The following COL18A1 variants were observed in gnomAD, a reference collection of about 807,000 sequenced individuals.
COL18A1 encodes the protein collagen type XVIII alpha 1 chain, also known as collagen alpha-1(XVIII) chain.
COL18A1 carries 133 observed loss-of-function variants against 168.0 expected under a neutral mutation model. The observed-to-expected ratio is 0.79, with a 90% confidence interval of 0.69 to 0.91. The LOEUF (loss-of-function observed/expected upper bound fraction) is 0.91. Ranked by LOEUF, COL18A1 falls within the 40% of genes least tolerant of loss-of-function variation. COL18A1 has a pLI of 0.00. For missense variants in COL18A1, 2,126 were observed against 1,925.4 expected, an observed-to-expected ratio of 1.10 and a Z score of -1.95; for synonymous variants, 949 against 809.0, an observed-to-expected ratio of 1.17 and a Z score of -2.94.
At chr21:45,493,765 C>T (rs1369223929) in intron 26 of COL18A1, 190 bp downstream of exon 26, 5 of 598,488 alleles carry the variant, frequency 8.4e-6, no homozygotes, top group Admixed American at 2.9e-5. Flanking sequence ...GCCGGCCCCT[C>T]GTCCTCTCCC....
At chr21:45,495,741 C>T (rs2036515798) in intron 29 of COL18A1, 2 of 399,606 alleles carry the variant, frequency 5.0e-6, no homozygotes, top group South Asian at 4.2e-5. Flanking sequence ...TCCACACGTG[C>T]TCATGTGTGT....
Position 45,495,583 on chromosome 21 carries a change from T to G in COL18A1, c.2508+151T>G, listed in dbSNP as rs910767834. 5 of 664,216 alleles carry G rather than the reference T, an allele frequency of 7.5e-6. No homozygotes were observed. The East Asian group carries it at 8.4e-5, about 11-fold the overall frequency. The allele number at this position is 664,216 out of a possible 1,614,324, so 41.1% of individuals were successfully genotyped here. ...CACAGCACTGGTCATGCCATACCCA[T>G]GCACAGTCATACATGTCCACACACG... On this transcript the variant is annotated intron_variant, in intron 29 of 41. Coordinates refer to ENST00000651438, the MANE Select transcript of COL18A1 (RefSeq NM_001379500.1).
chr21:45,467,137 G>A (rs1345959537), intron 2 of COL18A1: 3 of 716,152 alleles, frequency 4.2e-6, no homozygotes, highest in South Asian at 6.2e-5. Context: ...TGCCTGGCAC[G>A]GCAGGTGTGC....
chr21:45,477,572 A>T, intron 7 of COL18A1, 85 bp downstream of exon 7: 1 of 1,388,620 alleles, frequency 7.2e-7, no homozygotes, highest in Non-Finnish European at 1.0e-6. Flanking sequence ...AGCCCTGATG[A>T]AGCCCCTCTG....
intron 2 of COL18A1, chr21:45,421,496 T>C (rs1395512189): frequency 1.9e-6 from 1 of 534,592 alleles, no homozygotes; most frequent in African/African-American, 1.9e-5. Flanking sequence ...TTTCTGGCTG[T>C]GCAAGGCTCC....
At chr21:45,452,751 A>T (rs573265739) in intron 2 of COL18A1, among the ~76,000 whole-genome samples, 1 of 142,640 alleles carries the variant, frequency 7.0e-6, no homozygotes, top group Admixed American at 7.0e-5. Flanking sequence ...TGTACGTGTG[A>T]TTGTGTATGC....
chr21:45,460,760 C>T (rs1167363717), intron 2 of COL18A1, among the ~76,000 whole-genome samples: 1 of 151,742 alleles, frequency 6.6e-6, no homozygotes, highest in Non-Finnish European at 1.5e-5. Context: ...CGCTTGGCAA[C>T]CTACAAATAT....
Position 45,478,329 on chromosome 21 carries a change from C to T in COL18A1, c.1224C>T (p.Gly408=), listed in dbSNP as rs13046486. The stretch of plus-strand genomic sequence containing the variant: ...AATGGCTTCTCTTGCACACCCAGGG[C>T]GACCCCGGTGAAGACGGAAAGCCGG... ...DGTPGRDGEP[G]DPGEDGKPGD... is the part of the protein sequence containing the mutation. The change falls in exon 9 of 42, where the codon GGC becomes GGT. Residue 408 remains glycine, a splice_region_variant and synonymous_variant. Transcript: ENST00000651438. 1.5e-5 allele frequency: 25 copies of T among 1,613,842 alleles called. No individual in the cohort carries two copies. The South Asian group carries it at 1.6e-4, about 11-fold the overall frequency.
chr21:45,436,780 C>T (rs1196635675), intron 2 of COL18A1, among the ~76,000 whole-genome samples: 3 of 132,492 alleles, frequency 2.3e-5, no homozygotes, highest in East Asian at 4.4e-4. Context: ...TGTGGCTTGG[C>T]GGGGAAGCTG....
chr21:45,500,241 GGT>G (rs1187874110), intron 32 of COL18A1, among the ~76,000 whole-genome samples: 2 of 146,028 alleles, frequency 1.4e-5, no homozygotes, highest in African/African-American at 5.1e-5. Context: ...GGTGTGAGGG[GGT>G]GTGTGGAGTG....
chr21:45,464,637 G>C (rs2035142976), intron 2 of COL18A1, among the ~76,000 whole-genome samples: 1 of 152,162 alleles, frequency 6.6e-6, no homozygotes, highest in African/African-American at 2.4e-5. Context: ...GTCAGGGCTG[G>C]GTCCCTCTGG....
At chr21:45,415,133 G>A (rs976766801) in intron 2 of COL18A1, among the ~76,000 whole-genome samples, 2 of 152,156 alleles carry the variant, frequency 1.3e-5, no homozygotes, top group Admixed American at 6.5e-5. Context: ...GTGACAGTGC[G>A]GCGTGGTGTT....
At chr21:45,412,087 G>A (rs1488270193) in intron 2 of COL18A1, among the ~76,000 whole-genome samples, 2 of 151,088 alleles carry the variant, frequency 1.3e-5, no homozygotes, top group African/African-American at 2.4e-5. Context: ...TTTGTGGCTC[G>A]TGCCCACTGC....
intron 37 of COL18A1, 70 bp downstream of exon 37, chr21:45,506,036 G>T (rs2037184381): frequency 6.2e-6 from 10 of 1,609,416 alleles, no homozygotes; most frequent in Middle Eastern, 1.8e-4. Flanking sequence ...CTTAAGGAAG[G>T]CGAGAGGCTC....
In COL18A1 at chr21:45,504,547, T is replaced by C. The variant is rs756656210; in HGVS notation, c.2859T>C (p.Pro953=). The part of the protein sequence containing the change: ...PPGPPGPRGY[P]GIPGPKGESI... ...GCCCCCCAGGCCCACGTGGCTACCC[T>C]GGGATTCCAGTAAGTCCCAGCCTGT... Residue 953 remains proline (P), a synonymous_variant, in exon 34 of 42, where the codon CCT becomes CCC. Coordinates refer to ENST00000651438, the MANE Select transcript of COL18A1 (RefSeq NM_001379500.1). 5 of 1,574,896 alleles carry C rather than the reference T, an allele frequency of 3.2e-6. No homozygotes were observed. Among genetic ancestry groups the C allele is most frequent in the Non-Finnish European group, 2.6e-6 (3 of 1,161,718 alleles).
At position 45,504,409 on chromosome 21, in the gene COL18A1, T is replaced by C. The variant is rs765579947; in HGVS notation, c.2728-7T>C. On this transcript the variant is annotated splice_region_variant and splice_polypyrimidine_tract_variant and intron_variant, in intron 33 of 41. Transcript: ENST00000651438. ...GGCTCCCGTGTAACAAGTGTTTCCG[T>C]CCACAGGGGGAGAAGGGAGACCGAG... The C allele has an allele frequency of 5.0e-6, 8 of 1,610,662 alleles. No individual in the cohort carries two copies. Among genetic ancestry groups the C allele is most frequent in the East Asian group, 2.2e-5 (1 of 44,818 alleles).
chr21:45,508,729 T>A (rs116584917), intron 38 of COL18A1, among the ~76,000 whole-genome samples: 238 of 152,234 alleles, frequency 1.6e-3, no homozygotes, highest in African/African-American at 5.3e-3. Flanking sequence ...TGATTCATTC[T>A]TTCATTCAGC....
At chr21:45,478,950 CCGAA>C (rs2035780235) in intron 9 of COL18A1, among the ~76,000 whole-genome samples, 3 of 152,192 alleles carry the variant, frequency 2.0e-5, no homozygotes, top group African/African-American at 4.8e-5. Context: ...ATGGTGCCCA[CCGAA>C]CGGTCATTAC....
chr21:45,434,910 G>T (rs923159887), intron 2 of COL18A1, among the ~76,000 whole-genome samples: 3 of 152,158 alleles, frequency 2.0e-5, no homozygotes, highest in Non-Finnish European at 2.9e-5. Context: ...CCAGGCCCTG[G>T]TTCCTGTGAT....
Sources: allele counts gnomAD v4.1 joint callset (sites outside exome capture counted in the v4.1 genomes callset), GRCh38; gene constraint gnomAD v4.1.1; transcripts MANE v1.5; gene names NCBI Gene and HGNC (gene_info 2026-07-23, HGNC 2026-07-21).